ADGRL1: variants seen among roughly 807,000 people sequenced by gnomAD.
The protein encoded by ADGRL1 is CIRL-1.
A neutral mutation model predicts 148.9 loss-of-function variants in ADGRL1; 31 were observed. The observed-to-expected ratio is 0.21, with a 90% CI of 0.16 to 0.28. The LOEUF is 0.28. Among genes scored for constraint, ADGRL1 ranks in the 10% least tolerant of loss-of-function variants. The probability of loss-of-function intolerance (pLI) is 1.00; values close to 1 mark genes in which losing one functional copy is unlikely to be tolerated. For synonymous variants in ADGRL1, 937 were observed against 900.3 expected, an observed-to-expected ratio of 1.04 and a Z score of -0.73; for missense variants, 1,521 against 2,058.8, an observed-to-expected ratio of 0.74 and a Z score of 5.05.
rs755858762 is a variant in ADGRL1, at chr19:14,152,331, C to T, written c.3627G>A (p.Ser1209=). 2.8e-5 allele frequency: 44 copies of T among 1,596,456 alleles called. No homozygotes were observed. Among genetic ancestry groups the T allele is most frequent in the Non-Finnish European group, 3.2e-5 (38 of 1,169,564 alleles). ...IAESVGFNPS[S]PPVFNSPGSY... Reference sequence around the variant, plus strand: ...CACCTGGGGAGTTGAAGACAGGGGGCGAGGAGGGATTGAAGCCCACTGACT... The same window carrying T: ...CACCTGGGGAGTTGAAGACAGGGGGTGAGGAGGGATTGAAGCCCACTGACT... The change falls in exon 21 of 23, where the codon TCG becomes TCA. Residue 1209 remains serine (S), a synonymous_variant. Transcript: ENST00000361434. This position sits in a 1 kb window ranked among gnomAD's most constrained non-coding sequence, Gnocchi z 6.1.
At position 14,161,005 on chromosome 19, in the gene ADGRL1, C is replaced by G. The variant is rs536969079; in HGVS notation, c.1510+307G>C. Among the ~76,000 whole-genome samples, 1 of 152,354 alleles carries G rather than the reference C, an allele frequency of 6.6e-6. No individual in the cohort carries two copies. The highest frequency in any genetic ancestry group is 2.1e-4 in the South Asian group (1 of 4,830). On this transcript the variant is annotated intron_variant, in intron 6 of 22. Transcript: ENST00000361434. This position sits in a 1 kb window ranked among gnomAD's most constrained non-coding sequence, Gnocchi z 4.4. The stretch of plus-strand genomic sequence containing the variant: ...ACCCTCCCCTCAGATCTCCAGGACA[C>G]ACGGCCCTGCCCTTTTTGCACTTCA...
At position 14,161,440 on chromosome 19, in the gene ADGRL1, C is replaced by T. The variant is rs375913353; in HGVS notation, c.1382G>A (p.Arg461Gln). ...CACGTGTAGATTCGGGGCTGGGGGCCGCCGGGTGCTGGGGACTGGGGCTGT... is the reference window on the plus strand; with the variant it reads ...CACGTGTAGATTCGGGGCTGGGGGCTGCCGGGTGCTGGGGACTGGGGCTGT... ...PATAPVPSTR[R>Q]PPAPNLHVSP... The change falls in exon 6 of 23, where the codon CGG becomes CAG. Residue 461 changes from arginine (R) to glutamine (Q), a missense_variant. Around this residue, in one of 8 missense-constraint regions of ADGRL1, gnomAD observed 270 missense variants for 320.4 expected, o/e 0.84. Transcript: ENST00000361434. The surrounding 1 kb of genome is among the most constrained non-coding windows in gnomAD (Gnocchi z 4.4). 5.4e-4 allele frequency: 792 copies of T among 1,478,962 alleles called. No homozygotes were observed. Among genetic ancestry groups the T allele is most frequent in the Non-Finnish European group, 6.5e-4 (729 of 1,115,570 alleles). The allele number at this position is 1,478,962 out of a possible 1,614,324, so 91.6% of individuals were successfully genotyped here.
In ADGRL1 at chr19:14,161,644, G is replaced by T; in HGVS notation, c.1196-18C>A. 2 of 1,386,718 alleles carry T rather than the reference G, an allele frequency of 1.4e-6. No homozygotes were observed. Among genetic ancestry groups the T allele is most frequent in the South Asian group, 1.7e-5 (1 of 58,742 alleles). 85.9% of individuals were successfully genotyped at this position (1,386,718 alleles called of 1,614,324 possible). A position where few individuals can be genotyped will look rare whatever the true frequency, so the allele number is the denominator to read the frequency against. ...GGCTGGGCCTGGAGAGGGGATACGAGACAGGGTCATCCCCATGCTCAGGGC... is the reference window on the plus strand; with the variant it reads ...GGCTGGGCCTGGAGAGGGGATACGATACAGGGTCATCCCCATGCTCAGGGC... On this transcript the variant is annotated intron_variant, in intron 5 of 22. Coordinates refer to ENST00000361434, the MANE Select transcript of ADGRL1 (RefSeq NM_014921.5). This position sits in a 1 kb window ranked among gnomAD's most constrained non-coding sequence, Gnocchi z 4.4.
intron 4 of ADGRL1, among the ~76,000 whole-genome samples, chr19:14,166,206 T>G (rs1969943557): frequency 1.3e-5 from 2 of 149,710 alleles, no homozygotes; most frequent in African/African-American, 2.5e-5. Context: ...TCCCCCACCC[T>G]TCGCTCCCCC....
At chr19:14,191,435 T>C (rs1281652444) in intron 1 of ADGRL1, 2 of 456,632 alleles carry the variant, frequency 4.4e-6, no homozygotes, top group African/African-American at 4.0e-5. Flanking sequence ...GGGATGCTCC[T>C]GGCACACAGA....
rs1281781634 is a variant in ADGRL1 at position 14,161,314 on chromosome 19, C to T, written c.1508G>A (p.Arg503Gln). The change falls in exon 6 of 23, where the codon CGA becomes CAA. Residue 503 changes from arginine to glutamine, a missense_variant and splice_region_variant. This residue lies in a region of ADGRL1 where 270 missense variants were observed against 320.4 expected (regional missense o/e 0.84). Coordinates refer to ENST00000361434, the MANE Select transcript of ADGRL1 (RefSeq NM_014921.5). The surrounding 1 kb of genome is among the most constrained non-coding windows in gnomAD (Gnocchi z 4.4). The part of the protein sequence containing the change: ...LVERPCPKGT[R>Q]GIASFQCLPA... ...CTGGCTGCAGCCTCTGTACTCACCT[C>T]GAGTCCCCTTGGGGCAGGGCCTCTC... is the stretch of plus-strand genomic sequence containing the variant. 15 of 1,584,962 alleles carry T rather than the reference C, an allele frequency of 9.5e-6. No individual in the cohort carries two copies. The highest frequency in any genetic ancestry group is 1.2e-5 in the Non-Finnish European group (14 of 1,169,132).
chr19:14,177,421 C>CTT, intron 3 of ADGRL1, 110 bp downstream of exon 3: 1 of 990,300 alleles, frequency 1.0e-6, no homozygotes, highest in Non-Finnish European at 1.6e-6. Context: ...GCTCAGTAAA[C>CTT]ATGTGTTGAA....
chr19:14,176,899 C>T (rs1446552527), intron 3 of ADGRL1, among the ~76,000 whole-genome samples: 1 of 151,862 alleles, frequency 6.6e-6, no homozygotes, highest in Non-Finnish European at 1.5e-5. Context: ...TCGCTCTGTC[C>T]TGCTGTTCTT....
intron 3 of ADGRL1, among the ~76,000 whole-genome samples, chr19:14,176,485 C>T (rs757544330): frequency 1.3e-5 from 2 of 152,180 alleles, no homozygotes; most frequent in Non-Finnish European, 2.9e-5. Flanking sequence ...TCACACAGGC[C>T]TGTGCTTCTA....
chr19:14,150,982 C>T lies in ADGRL1; in HGVS notation c.4301G>A (p.Gly1434Asp), dbSNP rs1968102849. The T allele has an allele frequency of 6.3e-7, 1 of 1,598,910 alleles. No homozygotes were observed. Among genetic ancestry groups the T allele is most frequent in the Admixed American group, 1.7e-5 (1 of 57,858 alleles). The part of the protein sequence containing the change: ...PALVARNPLQ[G>D]YYQVRRPSHE... ...GCTAGGACGCCGCACCTGGTAGTAG[C>T]CCTGCAGGGGATTCCGGGCCACCAG... Residue 1434 changes from glycine (G) to aspartate (D), a missense_variant, in exon 23 of 23, where the codon GGC (glycine) becomes GAC (aspartate). Gly to Asp is a moderately conservative substitution (Grantham distance 94). Coordinates refer to ENST00000361434, the MANE Select transcript of ADGRL1 (RefSeq NM_014921.5).
At chr19:14,167,655 G>A (rs1364377804) in intron 4 of ADGRL1, among the ~76,000 whole-genome samples, 9 of 152,080 alleles carry the variant, frequency 5.9e-5, no homozygotes, top group Admixed American at 4.6e-4. Context: ...CAACCCAGAA[G>A]AAGCAAACAC....
At chr19:14,168,479 G>A (rs995914056) in intron 4 of ADGRL1, among the ~76,000 whole-genome samples, 1 of 152,050 alleles carries the variant, frequency 6.6e-6, no homozygotes, top group Non-Finnish European at 1.5e-5. Context: ...AAGGGCTCAG[G>A]CTATCTCTCT....
intron 3 of ADGRL1, among the ~76,000 whole-genome samples, chr19:14,173,394 C>T (rs1970609097): frequency 6.6e-6 from 1 of 152,130 alleles, no homozygotes; most frequent in South Asian, 2.1e-4. Flanking sequence ...CCGCATCTAG[C>T]TGTGCCTAAT....
rs1054515733 is a variant in ADGRL1 at position 14,192,994 on chromosome 19, G to A, written c.-95-9297C>T. Among the ~76,000 whole-genome samples, 31 of 152,254 alleles carry A rather than the reference G, an allele frequency of 2.0e-4. 1 individual carries two copies. The highest frequency in any genetic ancestry group is 1.9e-4 in the East Asian group (1 of 5,164). ...TGAAGACAGGGGAGTGACTAAGGAC[G>A]GCAGTGAGGATAGCTGGAGATGGGG... On this transcript the variant is annotated intron_variant, in intron 1 of 22. Coordinates refer to ENST00000361434, the MANE Select transcript of ADGRL1 (RefSeq NM_014921.5).
chr19:14,196,603 G>C (rs1435960241), intron 1 of ADGRL1, among the ~76,000 whole-genome samples: 1 of 152,098 alleles, frequency 6.6e-6, no homozygotes, highest in African/African-American at 2.4e-5. Flanking sequence ...TTGGGCAACA[G>C]AGCAAGACCC....
In ADGRL1 at chr19:14,170,735, G is replaced by C; in HGVS notation, c.341C>G (p.Pro114Arg). The change falls in exon 4 of 23, where the codon CCC (proline) becomes CGC (arginine). Residue 114 changes from proline to arginine, a missense_variant. Around this residue, in one of 8 missense-constraint regions of ADGRL1, gnomAD observed 334 missense variants for 512.5 expected, o/e 0.65. Coordinates refer to ENST00000361434, the MANE Select transcript of ADGRL1 (RefSeq NM_014921.5). Reference sequence around the variant, plus strand: ...CAGGTACTTGTAGGTCCCAGGACAGGGGTCAGGAAAGGCATCCGAGCCGGC... The same window carrying C: ...CAGGTACTTGTAGGTCCCAGGACAGCGGTCAGGAAAGGCATCCGAGCCGGC... The part of the protein sequence containing the change: ...VVAGSDAFPD[P>R]CPGTYKYLEV... The C allele has an allele frequency of 6.2e-7, 1 of 1,613,586 alleles. No homozygotes were observed. Among genetic ancestry groups the C allele is most frequent in the African/African-American group, 1.3e-5 (1 of 75,010 alleles).
intron 2 of ADGRL1, among the ~76,000 whole-genome samples, chr19:14,183,053 T>G (rs1188534737): frequency 1.3e-5 from 2 of 152,100 alleles, no homozygotes; most frequent in Non-Finnish European, 2.9e-5. Flanking sequence ...GCGGGCAGGC[T>G]TGGGGCACTA....
chr19:14,183,190 TCA>T (rs1971318961), intron 2 of ADGRL1, among the ~76,000 whole-genome samples: 1 of 88,504 alleles, frequency 1.1e-5, no homozygotes, highest in African/African-American at 3.8e-5. Context: ...GAAGATGTAA[TCA>T]CAGAGAGAGA....
chr19:14,164,994 C>T (rs909723276), intron 4 of ADGRL1, among the ~76,000 whole-genome samples: 3 of 152,160 alleles, frequency 2.0e-5, no homozygotes, highest in African/African-American at 7.2e-5. Flanking sequence ...GTCACCAAAG[C>T]AGCTGGCCCC....
Sources: allele counts gnomAD v4.1 joint callset (sites outside exome capture counted in the v4.1 genomes callset), GRCh38; gene constraint gnomAD v4.1.1; regional missense constraint gnomAD v4.1.1; non-coding constraint Gnocchi (gnomAD v3.1); transcripts MANE v1.5; gene names NCBI Gene and HGNC (gene_info 2026-07-23, HGNC 2026-07-21).